Variants in PDE10A observed in about 807,000 individuals in gnomAD.
PDE10A encodes the protein cAMP and cAMP-inhibited cGMP 3',5'-cyclic phosphodiesterase 10A.
In PDE10A, 39 loss-of-function variants were observed where a neutral mutation model predicts 97.7. The observed-to-expected ratio is 0.40, with a 90% confidence interval of 0.31 to 0.52. The LOEUF is 0.52. Among genes scored for constraint, PDE10A ranks in the 20% least tolerant of loss-of-function variants. The pLI, the probability that PDE10A is intolerant of heterozygous loss-of-function variation, is 0.56. For missense variants in PDE10A, 731 were observed against 1,047.8 expected (o/e 0.70, Z 4.17); for synonymous variants, 371 against 376.8 (o/e 0.98, Z 0.18).
At chr6:165,897,631 C>T (rs1012051650) in intron 1 of PDE10A, among the ~76,000 whole-genome samples, 1 of 151,670 alleles carries the variant, frequency 6.6e-6, no homozygotes, top group Non-Finnish European at 1.5e-5. Flanking sequence ...GACCCGCCCC[C>T]CAGCCCCCCC....
intron 1 of PDE10A, among the ~76,000 whole-genome samples, chr6:165,877,154 C>T (rs1030911994): frequency 2.0e-5 from 3 of 152,200 alleles, no homozygotes; most frequent in Non-Finnish European, 4.4e-5. Flanking sequence ...TGTTTTGGCA[C>T]ACGTGTGGGT....
At position 165,730,155 on chromosome 6, in the gene PDE10A, C is replaced by G. The variant is rs1236671861; in HGVS notation, c.-614-186587G>C. Among the ~76,000 whole-genome samples the G allele has an allele frequency of 6.2e-5, 7 of 112,790 alleles. 1 individual carries two copies. The East Asian group carries it at 1.9e-3, about 31-fold the overall frequency. The allele number at this position is 112,790 out of a possible 152,430, so 74.0% of individuals were successfully genotyped here. ...GTATATGAATATATGAAAAGATGAT[C>G]CCCCTTCAAAAAAAAAAAGCCACTG... On this transcript the variant is annotated intron_variant, in intron 1 of 19. Coordinates refer to the PDE10A transcript ENST00000366882.
At chr6:165,397,294 AAATT>A (rs1404147628) in intron 13 of PDE10A, among the ~76,000 whole-genome samples, 1 of 152,248 alleles carries the variant, frequency 6.6e-6, no homozygotes, top group East Asian at 1.9e-4. Context: ...TGTCTAAAGT[AAATT>A]AATACTGAAA....
chr6:165,782,181 G>T (rs1158428294), intron 1 of PDE10A, among the ~76,000 whole-genome samples: 3 of 152,260 alleles, frequency 2.0e-5, no homozygotes, highest in African/African-American at 7.2e-5. Flanking sequence ...AAGTTAGCGT[G>T]TAGCTCAGTA....
chr6:165,638,224 T>C (rs1463279676), intron 1 of PDE10A, among the ~76,000 whole-genome samples: 2 of 152,148 alleles, frequency 1.3e-5, no homozygotes, highest in Non-Finnish European at 1.5e-5. Flanking sequence ...TAACCCTTTC[T>C]GTTTGGCGAT....
At chr6:165,638,053 CT>C in intron 1 of PDE10A, among the ~76,000 whole-genome samples, 1 of 152,232 alleles carries the variant, frequency 6.6e-6, no homozygotes, top group East Asian at 1.9e-4. Context: ...AGTAACATCT[CT>C]TTTTAAATGG....
At chr6:165,555,993 CT>C (rs752600504) in intron 1 of PDE10A, among the ~76,000 whole-genome samples, 173 of 152,238 alleles carry the variant, frequency 1.1e-3, no homozygotes, top group Non-Finnish European at 1.9e-3. Flanking sequence ...TTTGAAAAAA[CT>C]TGCAGACGAA....
chr6:165,643,814 A>C (rs772544637), intron 1 of PDE10A, among the ~76,000 whole-genome samples: 12 of 152,192 alleles, frequency 7.9e-5, no homozygotes, highest in Non-Finnish European at 1.6e-4. Context: ...CATCTTATAC[A>C]TTTAGAAATT....
At chr6:165,824,603 G>A (rs1481067395) in intron 1 of PDE10A, among the ~76,000 whole-genome samples, 46 of 152,194 alleles carry the variant, frequency 3.0e-4, no homozygotes, top group Non-Finnish European at 1.3e-4. Context: ...AACAAAGAAT[G>A]TGCTGTTATT....
At chr6:165,853,940 G>T (rs1237064869) in intron 1 of PDE10A, among the ~76,000 whole-genome samples, 1 of 152,180 alleles carries the variant, frequency 6.6e-6, no homozygotes, top group Non-Finnish European at 1.5e-5. Flanking sequence ...CTCCTGGGTC[G>T]CAGATGGCTC....
intron 3 of PDE10A, among the ~76,000 whole-genome samples, chr6:165,469,402 C>A (rs1184331292): frequency 6.6e-6 from 1 of 152,150 alleles, no homozygotes; most frequent in Non-Finnish European, 1.5e-5. Flanking sequence ...ACGCTCCACA[C>A]GGGTTTCTGA....
At chr6:165,531,640 C>T (rs1782783555) in intron 2 of PDE10A, among the ~76,000 whole-genome samples, 1 of 152,098 alleles carries the variant, frequency 6.6e-6, no homozygotes, top group Admixed American at 6.5e-5. Flanking sequence ...TTTACAAGAA[C>T]AATGTAAATG....
intron 3 of PDE10A, among the ~76,000 whole-genome samples, chr6:165,481,971 C>A (rs1427727580): frequency 6.6e-6 from 1 of 152,200 alleles, no homozygotes; most frequent in Non-Finnish European, 1.5e-5. Context: ...CCTGGGAAGA[C>A]TGCTGCCCTG....
At chr6:165,545,743 TA>T (rs564305400) in intron 1 of PDE10A, among the ~76,000 whole-genome samples, 33 of 151,146 alleles carry the variant, frequency 2.2e-4, no homozygotes, top group Admixed American at 1.3e-3. Context: ...TGGCTAAAAT[TA>T]AAAAAAAACT....
At chr6:165,445,384 C>T (rs1027778547) in intron 5 of PDE10A, among the ~76,000 whole-genome samples, 1 of 152,148 alleles carries the variant, frequency 6.6e-6, no homozygotes, top group South Asian at 2.1e-4. Context: ...GTAACCAGAT[C>T]CCAAAGCTGT....
At chr6:165,926,589 T>A (rs2128489595) in intron 1 of PDE10A, among the ~76,000 whole-genome samples, 1 of 152,352 alleles carries the variant, frequency 6.6e-6, no homozygotes, top group Non-Finnish European at 1.5e-5. Context: ...TGTGTGTCCC[T>A]GCACTGGATG....
intron 1 of PDE10A, among the ~76,000 whole-genome samples, chr6:165,878,633 C>T (rs908461302): frequency 2.6e-5 from 4 of 152,186 alleles, no homozygotes; most frequent in African/African-American, 4.8e-5. Flanking sequence ...AAGACATCCA[C>T]GTCTTAATCT....
At chr6:165,620,014 T>C (rs1447977394) in intron 1 of PDE10A, among the ~76,000 whole-genome samples, 1 of 152,120 alleles carries the variant, frequency 6.6e-6, no homozygotes, top group African/African-American at 2.4e-5. Context: ...CAACCTACAG[T>C]AATCTAGATT....
intron 1 of PDE10A, among the ~76,000 whole-genome samples, chr6:165,740,437 TCTC>T (rs1487894643): frequency 6.6e-6 from 1 of 151,938 alleles, no homozygotes; most frequent in Non-Finnish European, 1.5e-5. Flanking sequence ...TTCAAGCAAT[TCTC>T]CTGCCTCAGC....
Sources: allele counts gnomAD v4.1 joint callset (sites outside exome capture counted in the v4.1 genomes callset), GRCh38; gene constraint gnomAD v4.1.1; transcripts MANE v1.5; gene names NCBI Gene and HGNC (gene_info 2026-07-23, HGNC 2026-07-21).